The following GRM6 variants were observed in gnomAD, a reference collection of about 807,000 sequenced individuals.
GRM6 encodes the protein glutamate metabotropic receptor 6.
In GRM6, 73 loss-of-function variants were observed where a neutral mutation model predicts 78.4. That is an observed-to-expected ratio of 0.93 (90% CI 0.77 to 1.13). The LOEUF is 1.13. Among genes scored for constraint, GRM6 ranks in the 50% most tolerant of loss-of-function variants. GRM6 has a pLI of 0.00. For missense variants in GRM6, 1,251 were observed against 1,256.4 expected, an observed-to-expected ratio of 1.00 and a Z score of 0.07; for synonymous variants, 580 against 555.0, an observed-to-expected ratio of 1.05 and a Z score of -0.63.
chr5:178,982,576 C>CAAA (rs70997654), intron 10 of GRM6, among the ~76,000 whole-genome samples: 1 of 20,168 alleles, frequency 5.0e-5, no homozygotes, highest in Non-Finnish European at 7.7e-5. Context: ...GACTCTGTCT[C>CAAA]AAAAAAAAAA....
At chr5:178,985,675 C>G (rs575822010) in intron 9 of GRM6, 52 of 398,042 alleles carry the variant, frequency 1.3e-4, no homozygotes, top group Non-Finnish European at 1.6e-4. Context: ...TGCACTCCAG[C>G]CTGGGCGACA....
chr5:178,987,568 A>G, intron 7 of GRM6: 2 of 406,100 alleles, frequency 4.9e-6, no homozygotes, highest in Non-Finnish European at 5.0e-6. Context: ...CACATGCGCA[A>G]ATACCGTCTG....
In GRM6 at chr5:178,986,460, C is replaced by A. The variant is rs1203757911; in HGVS notation, c.1794G>T (p.Val598=). ...PPLLLAVLGI[V]ATTTVVATFV... is the part of the protein sequence containing the mutation. ...AGGTGGCCACCACCGTGGTAGTGGCCACGATGCCCAGCACGGCCAGGAGGA... is the reference window on the plus strand; with the variant it reads ...AGGTGGCCACCACCGTGGTAGTGGCAACGATGCCCAGCACGGCCAGGAGGA... Residue 598 remains valine, a synonymous_variant, in exon 9 of 11, where the codon GTG becomes GTT. Coordinates refer to ENST00000517717, the MANE Select transcript of GRM6 (RefSeq NM_000843.4). The A allele has an allele frequency of 6.2e-7, 1 of 1,612,626 alleles. No individual in the cohort carries two copies. Among genetic ancestry groups the A allele is most frequent in the Non-Finnish European group, 8.5e-7 (1 of 1,179,728 alleles).
intron 2 of GRM6, among the ~76,000 whole-genome samples, chr5:178,993,669 C>T (rs1760721956): frequency 6.6e-6 from 1 of 152,178 alleles, no homozygotes; most frequent in African/African-American, 2.4e-5. Flanking sequence ...TGTCCCACAA[C>T]CCCCAGTGAA....
At chr5:178,995,247 C>T (rs190549503) in intron 1 of GRM6, 29 bp downstream of exon 1, 141 of 160,052 alleles carry the variant, frequency 8.8e-4, no homozygotes, top group African/African-American at 3.2e-3. Context: ...CCCCAGCGCA[C>T]ACCCAGGCTC....
At position 178,986,118 on chromosome 5, in the gene GRM6, C is replaced by T; in HGVS notation, c.2124+12G>A. 1 of 1,611,770 alleles carries T rather than the reference C, an allele frequency of 6.2e-7. No homozygotes were observed. The highest frequency in any genetic ancestry group is 8.5e-7 in the Non-Finnish European group (1 of 1,178,944). On this transcript the variant is annotated intron_variant, in intron 9 of 10. Transcript: ENST00000517717. Reference sequence around the variant, plus strand: ...CCTCCCTGCCCTGGCCCTTGGGAGCCTACGGACCCACCTGCAGGGAGGTGA... The same window carrying T: ...CCTCCCTGCCCTGGCCCTTGGGAGCTTACGGACCCACCTGCAGGGAGGTGA...
rs148879923 is a variant in GRM6, at chr5:178,989,117, C to T, written c.1172G>A (p.Arg391Gln). The T allele has an allele frequency of 3.6e-4, 577 of 1,613,988 alleles. 4 individuals carry two copies. The East Asian group carries it at 0.01, about 29-fold the overall frequency. The change falls in exon 7 of 11, where the codon CGG (arginine) becomes CAG (glutamine). Residue 391 changes from arginine to glutamine, a missense_variant. Arg to Gln is a conservative substitution (Grantham distance 43). Coordinates refer to ENST00000517717, the MANE Select transcript of GRM6 (RefSeq NM_000843.4). ...GCCCTCCTGCTCGTAGGTGGAGTCC[C>T]GGCCGATGCGTTCCTCGCCTGTCCT... Reference protein sequence around the residue: ...RKCTGEERIGRDSTYEQEGKV... With the variant: ...RKCTGEERIGQDSTYEQEGKV...
intron 2 of GRM6, among the ~76,000 whole-genome samples, chr5:178,993,261 C>T (rs1760713687): frequency 6.6e-6 from 1 of 152,164 alleles, no homozygotes; most frequent in African/African-American, 2.4e-5. Context: ...AGAGTCCTGC[C>T]CACCTGAGTC....
At chr5:178,985,372 C>T (rs1370566165) in intron 9 of GRM6, 4 of 392,894 alleles carry the variant, frequency 1.0e-5, no homozygotes, top group South Asian at 7.2e-5. Flanking sequence ...GCTGCTGTCA[C>T]AGGAGGGGAG....
rs947814192 is a variant in GRM6 at position 178,986,668 on chromosome 5, T to A, written c.1586A>T (p.Lys529Met). The change falls in exon 9 of 11, where the codon AAG becomes ATG. Residue 529 changes from lysine to methionine, a missense_variant. Physicochemically the swap from Lys to Met is moderately conservative, Grantham distance 95 (BLOSUM62 -1). Transcript: ENST00000517717. ...ACAGCAGGGGACGCCCTTCACCATC[T>A]TCTTCCGCTCCCCCGGCCCGCAGGG... ...SLPCGPGERK[K>M]MVKGVPCCWH... 2 of 1,603,068 alleles carry A rather than the reference T, an allele frequency of 1.2e-6. No individual in the cohort carries two copies. Among genetic ancestry groups the A allele is most frequent in the African/African-American group, 1.3e-5 (1 of 75,056 alleles).
chr5:178,978,903 G>C lies in GRM6; in HGVS notation c.*2754C>G, dbSNP rs1280197562. On this transcript the variant is annotated 3_prime_UTR_variant, in exon 11 of 11. Transcript: ENST00000517717. The stretch of plus-strand genomic sequence containing the variant: ...CCTCAAAGAATTCAAACCCATGCAT[G>C]CAAAAAAACAGGAAAATCTTTAGGG... 1 of 152,082 alleles carries C rather than the reference G, an allele frequency of 6.6e-6. No individual in the cohort carries two copies. Among genetic ancestry groups the C allele is most frequent in the African/African-American group, 2.4e-5 (1 of 41,410 alleles). 9.4% of individuals were successfully genotyped at this position (152,082 alleles called of 1,614,324 possible). A position where few individuals can be genotyped will look rare whatever the true frequency, so the allele number is the denominator to read the frequency against.
chr5:178,989,148 T>C lies in GRM6; in HGVS notation c.1154-13A>G, dbSNP rs1446516774. On this transcript the variant is annotated splice_polypyrimidine_tract_variant and intron_variant, in intron 6 of 10. Transcript: ENST00000517717. ...ATGCGTTCCTCGCCTGTCCTAGGGATGCCCAGAGAAAGTGTGCCCGGCCCC... is the reference window on the plus strand; with the variant it reads ...ATGCGTTCCTCGCCTGTCCTAGGGACGCCCAGAGAAAGTGTGCCCGGCCCC... 5.0e-6 allele frequency: 8 copies of C among 1,612,790 alleles called. No homozygotes were observed. The highest frequency in any genetic ancestry group is 6.8e-6 in the Non-Finnish European group (8 of 1,179,464).
intron 7 of GRM6, among the ~76,000 whole-genome samples, chr5:178,987,635 G>A (rs529188634): frequency 6.6e-6 from 1 of 152,318 alleles, no homozygotes; most frequent in African/African-American, 2.4e-5. Context: ...CCGTGGAATG[G>A]CGGTTGCAGG....
At chr5:178,986,803 C>T (rs747492578) in intron 8 of GRM6, 35 bp downstream of exon 8, 46 of 1,612,464 alleles carry the variant, frequency 2.9e-5, no homozygotes, top group Non-Finnish European at 2.6e-5. Context: ...GGATCCTGGG[C>T]CCATGCCCAC....
In GRM6 at chr5:178,988,650, G is replaced by A. The variant is rs1399146081; in HGVS notation, c.1354+285C>T. Reference sequence around the variant, plus strand: ...CTCAAGCTCTGCGCAGTGGAGGGGAGTGTGGTGTGACCCACTGGGGGTTCC... The same window carrying A: ...CTCAAGCTCTGCGCAGTGGAGGGGAATGTGGTGTGACCCACTGGGGGTTCC... On this transcript the variant is annotated intron_variant, in intron 7 of 10. Transcript: ENST00000517717. The surrounding 1 kb of genome is among the most constrained non-coding windows in gnomAD (Gnocchi z 6.0). Among the ~76,000 whole-genome samples, 2 of 152,226 alleles carry A rather than the reference G, an allele frequency of 1.3e-5. No individual in the cohort carries two copies. The highest frequency in any genetic ancestry group is 4.1e-4 in the South Asian group (2 of 4,834).
At chr5:178,984,916 T>C (rs1209318494) in intron 9 of GRM6, among the ~76,000 whole-genome samples, 1 of 152,022 alleles carries the variant, frequency 6.6e-6, no homozygotes, top group East Asian at 1.9e-4. Flanking sequence ...TCACACCAGG[T>C]CACCCTCCCC....
chr5:178,981,469 A>T lies in GRM6; in HGVS notation c.*188T>A, dbSNP rs1409261892. ...TCTGTGGTGAGGAAGCATGAAGCTC[A>T]CATGCTGGAATCGGGGTAGAGCTGG... On this transcript the variant is annotated 3_prime_UTR_variant, in exon 11 of 11. Transcript: ENST00000517717. The surrounding 1 kb of genome is among the most constrained non-coding windows in gnomAD (Gnocchi z 5.1). 2 of 584,386 alleles carry T rather than the reference A, an allele frequency of 3.4e-6. No homozygotes were observed. Among genetic ancestry groups the T allele is most frequent in the African/African-American group, 1.9e-5 (1 of 53,608 alleles). 36.2% of individuals were successfully genotyped at this position (584,386 alleles called of 1,614,324 possible).
At position 178,982,856 on chromosome 5, in the gene GRM6, G is replaced by T; in HGVS notation, c.2436+54C>A. 3 of 1,282,628 alleles carry T rather than the reference G, an allele frequency of 2.3e-6. No individual in the cohort carries two copies. The South Asian group carries it at 3.6e-5, about 15-fold the overall frequency. 79.5% of individuals were successfully genotyped at this position (1,282,628 alleles called of 1,614,324 possible). On this transcript the variant is annotated intron_variant, in intron 10 of 10. Coordinates refer to ENST00000517717, the MANE Select transcript of GRM6 (RefSeq NM_000843.4). ...AAGCATTTAATCTCATGAATGAATCGACCAGCCTGACAGGCAGGAAACAGG... is the reference window on the plus strand; with the variant it reads ...AAGCATTTAATCTCATGAATGAATCTACCAGCCTGACAGGCAGGAAACAGG...
Position 178,995,060 on chromosome 5 carries a change from G to T in GRM6, c.-16-100C>A, listed in dbSNP as rs534835926. ...GACACCGGGGTCCTGGGGAGAAGGC[G>T]CTCGGGGCGCGCCTTCCACTTCGGC... On this transcript the variant is annotated intron_variant, in intron 1 of 10. Transcript: ENST00000517717. 8.6e-4 allele frequency: 513 copies of T among 599,712 alleles called. 4 individuals carry two copies. In the African/African-American group the frequency reaches 9.7e-3, roughly 11 times the overall value. The allele number at this position is 599,712 out of a possible 1,614,324, so 37.1% of individuals were successfully genotyped here. A position where few individuals can be genotyped will look rare whatever the true frequency, so the allele number is the denominator to read the frequency against.
Sources: gnomAD v4.1 joint callset for allele counts (sites outside exome capture counted in the v4.1 genomes callset) on GRCh38, gnomAD v4.1.1 for gene constraint, Gnocchi (gnomAD v3.1) non-coding constraint, MANE v1.5 for transcripts, NCBI Gene and HGNC (gene_info 2026-07-23, HGNC 2026-07-21) for gene names.